The following CIT variants were observed in gnomAD, a reference collection of about 807,000 sequenced individuals.
CIT encodes citron Rho-interacting kinase.
A neutral mutation model predicts 272.7 loss-of-function variants in CIT; 79 were observed. That is an observed-to-expected ratio of 0.29 (90% CI 0.24 to 0.35). The LOEUF (loss-of-function observed/expected upper bound fraction) is 0.35, where lower values mean the gene tolerates loss of function less well. Among genes scored for constraint, CIT ranks in the 10% least tolerant of loss-of-function variants. CIT has a pLI of 1.00. For missense variants in CIT, 1,909 were observed against 2,618.3 expected (o/e 0.73, Z 5.91); for synonymous variants, 948 against 995.6 (o/e 0.95, Z 0.90).
chr12:119,800,328 C>T lies in CIT; in HGVS notation c.1295+2878G>A, dbSNP rs1241023183. 5.3e-5 allele frequency among the ~76,000 whole-genome samples: 8 copies of T among 152,310 alleles called. No homozygotes were observed. The South Asian group carries it at 1.7e-3, about 32-fold the overall frequency. On this transcript the variant is annotated intron_variant, in intron 10 of 47. Transcript: ENST00000392521. ...TCTCTAGAAACTCTCCAGCTCCCAC[C>T]AACTCAAGCTGCAAGGAACTCCCAC...
At chr12:119,771,155 G>A (rs1472732018) in intron 17 of CIT, among the ~76,000 whole-genome samples, 1 of 152,168 alleles carries the variant, frequency 6.6e-6, no homozygotes, top group South Asian at 2.1e-4. Context: ...TGCCACCTAG[G>A]CATCACGGAA....
chr12:119,745,945 A>AT (rs1457093474), intron 23 of CIT, among the ~76,000 whole-genome samples: 2 of 152,168 alleles, frequency 1.3e-5, no homozygotes, highest in East Asian at 1.9e-4. Flanking sequence ...ACAGATCTTA[A>AT]TTTTTTTTCT....
chr12:119,696,243 T>A (rs1266514215), intron 46 of CIT, among the ~76,000 whole-genome samples: 2 of 152,158 alleles, frequency 1.3e-5, no homozygotes, highest in African/African-American at 4.8e-5. Context: ...CAAAAAGAAG[T>A]AAAATTTAAA....
At chr12:119,722,115 G>A (rs1402436470) in intron 28 of CIT, among the ~76,000 whole-genome samples, 3 of 152,088 alleles carry the variant, frequency 2.0e-5, no homozygotes, top group Non-Finnish European at 2.9e-5. Flanking sequence ...TGCAAATCTC[G>A]CTCCAATTTT....
intron 20 of CIT, 76 bp from the exon 21 acceptor site, chr12:119,758,776 T>C: frequency 2.0e-6 from 2 of 981,412 alleles, no homozygotes; most frequent in Non-Finnish European, 3.3e-6. Flanking sequence ...AGGGTAAAAG[T>C]TTCATCTGAA....
At chr12:119,858,765 T>A (rs940706642) in intron 3 of CIT, among the ~76,000 whole-genome samples, 3 of 149,964 alleles carry the variant, frequency 2.0e-5, no homozygotes, top group Non-Finnish European at 4.4e-5. Flanking sequence ...GAGCTTGCAG[T>A]GAGCCGAGAT....
chr12:119,863,436 A>G (rs183191241), intron 3 of CIT, among the ~76,000 whole-genome samples: 2 of 152,274 alleles, frequency 1.3e-5, no homozygotes, highest in East Asian at 3.9e-4. Flanking sequence ...CTGGGTGACG[A>G]AATAATCTAT....
chr12:119,794,073 C>A (rs203353), intron 10 of CIT, among the ~76,000 whole-genome samples: 7 of 152,126 alleles, frequency 4.6e-5, no homozygotes, highest in South Asian at 2.1e-4. Context: ...CCTTTCCTTG[C>A]GGACCCAGTC....
At chr12:119,787,471 C>T (rs1356495176) in intron 10 of CIT, among the ~76,000 whole-genome samples, 1 of 151,296 alleles carries the variant, frequency 6.6e-6, no homozygotes, top group Non-Finnish European at 1.5e-5. Flanking sequence ...GTGGCTGATG[C>T]CTGTAATCTC....
At chr12:119,789,950 ATGATCT>A (rs1212003396) in intron 10 of CIT, among the ~76,000 whole-genome samples, 1 of 150,696 alleles carries the variant, frequency 6.6e-6, no homozygotes. Context: ...TCCTGACCTC[ATGATCT>A]GCCCGCCTCA....
At chr12:119,703,421 C>CTTTTTTTT (rs34483318) in intron 41 of CIT, among the ~76,000 whole-genome samples, 1 of 105,704 alleles carries the variant, frequency 9.5e-6, no homozygotes, top group Non-Finnish European at 1.9e-5. Context: ...CTTCATTTCA[C>CTTTTTTTT]TTTTTTTTTT....
intron 46 of CIT, among the ~76,000 whole-genome samples, chr12:119,696,928 C>G (rs1956254656): frequency 6.6e-6 from 1 of 152,162 alleles, no homozygotes; most frequent in African/African-American, 2.4e-5. Context: ...CATTCTTTTC[C>G]CCAGATGCCT....
chr12:119,728,068 G>A lies in CIT; in HGVS notation c.3591+434C>T, dbSNP rs188572262. On this transcript the variant is annotated intron_variant, in intron 28 of 47. Coordinates refer to ENST00000392521, the MANE Select transcript of CIT (RefSeq NM_001206999.2). This position sits in a 1 kb window ranked among gnomAD's most constrained non-coding sequence, Gnocchi z 4.3. ...CCAGATATGCAACATTCTGGAAAAG[G>A]GAAAACTATGGAGACAGCAAAAAGA... Among the ~76,000 whole-genome samples, 77 of 152,300 alleles carry A rather than the reference G, an allele frequency of 5.1e-4. No individual in the cohort carries two copies. The highest frequency in any genetic ancestry group is 7.1e-4 in the Non-Finnish European group (48 of 68,030).
Position 119,688,006 on chromosome 12 carries a change from T to C in CIT, c.*226A>G. On this transcript the variant is annotated 3_prime_UTR_variant, in exon 48 of 48. Transcript: ENST00000392521. ...GAGTAACAAAGTGCAAAGAGATGAC[T>C]GCAGGGAGGTGCCCAGGGCAGGCAC... The C allele has an allele frequency of 6.6e-6, 4 of 601,646 alleles. No homozygotes were observed. In the East Asian group the frequency reaches 8.3e-5, roughly 13 times the overall value. The allele number at this position is 601,646 out of a possible 1,614,324, so 37.3% of individuals were successfully genotyped here.
intron 4 of CIT, among the ~76,000 whole-genome samples, chr12:119,850,938 T>G (rs1183473217): frequency 6.6e-6 from 1 of 152,122 alleles, no homozygotes; most frequent in Non-Finnish European, 1.5e-5. Context: ...AGACAGTAGA[T>G]TGGATGCATA....
At chr12:119,858,821 CA>C (rs58888016) in intron 3 of CIT, among the ~76,000 whole-genome samples, 47 of 135,874 alleles carry the variant, frequency 3.5e-4, no homozygotes, top group Admixed American at 4.5e-4. Flanking sequence ...GACTCCATCT[CA>C]AAAAAAAAAA....
At chr12:119,708,645 C>T (rs765862850) in intron 39 of CIT, among the ~76,000 whole-genome samples, 12 of 152,016 alleles carry the variant, frequency 7.9e-5, no homozygotes, top group Non-Finnish European at 1.6e-4. Context: ...GCTACCACGC[C>T]TGGCTAATTT....
At position 119,776,748 on chromosome 12, in the gene CIT, G is replaced by T. The variant is rs923173094; in HGVS notation, c.1760C>A (p.Ser587Tyr). ...SARRRSDLYE[S>Y]ELRESRLAAE... ...AGCAAGCCGAGACTCTCTCAGCTCA[G>T]ATTCGTAGAGATCACTCCGTCTTCT... Residue 587 changes from serine to tyrosine, a missense_variant, in exon 14 of 48, where the codon TCT (serine) becomes TAT (tyrosine). Physicochemically the swap from Ser to Tyr is moderately radical, Grantham distance 144. Coordinates refer to ENST00000392521, the MANE Select transcript of CIT (RefSeq NM_001206999.2). The T allele has an allele frequency of 6.2e-7, 1 of 1,613,954 alleles. No homozygotes were observed. The highest frequency in any genetic ancestry group is 8.5e-7 in the Non-Finnish European group (1 of 1,180,034).
intron 9 of CIT, among the ~76,000 whole-genome samples, chr12:119,809,275 G>T (rs1327779255): frequency 2.6e-5 from 4 of 152,106 alleles, no homozygotes; most frequent in Non-Finnish European, 5.9e-5. Flanking sequence ...TCTCAATAGT[G>T]ATGGGTGGAA....
Sources: allele counts gnomAD v4.1 joint callset (sites outside exome capture counted in the v4.1 genomes callset), GRCh38; gene constraint gnomAD v4.1.1; non-coding constraint Gnocchi (gnomAD v3.1); transcripts MANE v1.5; gene names NCBI Gene and HGNC (gene_info 2026-07-23, HGNC 2026-07-21).